The following EHD3 variants were observed in gnomAD, a reference collection of about 807,000 sequenced individuals.
EHD3 encodes the protein EH domain containing 3.
EHD3 carries 17 observed loss-of-function variants against 43.0 expected under a neutral mutation model. The observed-to-expected ratio is 0.40, with a 90% confidence interval of 0.27 to 0.59. The LOEUF (loss-of-function observed/expected upper bound fraction) is 0.59, where lower values mean the gene tolerates loss of function less well. Ranked by LOEUF, EHD3 falls within the 20% of genes least tolerant of loss-of-function variation. The pLI is 0.49. For missense variants in EHD3, 594 were observed against 705.6 expected (o/e 0.84, Z 1.79); for synonymous variants, 313 against 289.5 (o/e 1.08, Z -0.82).
At position 31,260,782 on chromosome 2, in the gene EHD3, T is replaced by A; in HGVS notation, c.775T>A (p.Ser259Thr). The change falls in exon 4 of 6, where the codon TCC becomes ACC. Residue 259 changes from serine (S) to threonine (T), a missense_variant. Ser to Thr is a moderately conservative substitution (Grantham distance 58, BLOSUM62 1). This residue lies in a region of EHD3 where 29 missense variants were observed against 60.9 expected (regional missense o/e 0.48). Transcript: ENST00000322054. The surrounding 1 kb of genome is among the most constrained non-coding windows in gnomAD (Gnocchi z 4.6). ...CCGGGTCTACATCGGCTCCTTCTGG[T>A]CCCACCCCCTCCTCATCCCTGACAA... is the stretch of plus-strand genomic sequence containing the variant. ...VIRVYIGSFWSHPLLIPDNRK... is the reference protein window; with the variant it reads ...VIRVYIGSFWTHPLLIPDNRK... 1 of 1,614,104 alleles carries A rather than the reference T, an allele frequency of 6.2e-7. No homozygotes were observed. The highest frequency in any genetic ancestry group is 8.5e-7 in the Non-Finnish European group (1 of 1,180,020).
chr2:31,244,192 C>A (rs1464885283), intron 1 of EHD3, 82 bp from the exon 2 acceptor site: 33 of 1,404,972 alleles, frequency 2.3e-5, no homozygotes, highest in Non-Finnish European at 3.2e-5. Flanking sequence ...CTCTGACTCG[C>A]ATGTTGTCTG....
In EHD3 at chr2:31,260,649, G is replaced by A. The variant is rs776880592; in HGVS notation, c.642G>A (p.Met214Ile). Residue 214 changes from methionine to isoleucine, a missense_variant, in exon 4 of 6, where the codon ATG (methionine) becomes ATA (isoleucine). Physicochemically the swap from Met to Ile is conservative, Grantham distance 10. Transcript: ENST00000322054. The surrounding 1 kb of genome is among the most constrained non-coding windows in gnomAD (Gnocchi z 4.6). ...CCCTCAAGAACCACGAGGACAAGAT[G>A]CGAGTGGTGCTGAACAAAGCTGACC... ...IKALKNHEDK[M>I]RVVLNKADQI... is the part of the protein sequence containing the mutation. 27 of 1,614,098 alleles carry A rather than the reference G, an allele frequency of 1.7e-5. No homozygotes were observed. The highest frequency in any genetic ancestry group is 2.2e-5 in the Non-Finnish European group (26 of 1,180,054).
At chr2:31,255,446 G>A (rs954197613) in intron 3 of EHD3, among the ~76,000 whole-genome samples, 1 of 147,840 alleles carries the variant, frequency 6.8e-6, no homozygotes, top group Non-Finnish European at 1.5e-5. Context: ...CTCTACCACA[G>A]ACCCCTCATT....
Position 31,249,426 on chromosome 2 carries a change from A to G in EHD3, c.460A>G (p.Thr154Ala). 6.2e-7 allele frequency: 1 copy of G among 1,614,152 alleles called. No homozygotes were observed. Among genetic ancestry groups the G allele is most frequent in the Non-Finnish European group, 8.5e-7 (1 of 1,180,020 alleles). The change falls in exon 3 of 6, where the codon ACA (threonine) becomes GCA (alanine). Residue 154 changes from threonine to alanine, a missense_variant. Thr to Ala is a moderately conservative substitution (Grantham distance 58). Around this residue, in one of 3 missense-constraint regions of EHD3, gnomAD observed 243 missense variants for 296.7 expected, o/e 0.82. Transcript: ENST00000322054. ...PVLESISVID[T>A]PGILSGEKQR... is the part of the protein sequence containing the mutation. Reference sequence around the variant, plus strand: ...GCTGGAGAGCATCAGCGTCATCGACACACCAGGGATCCTCTCTGGGGAGAA... The same window carrying G: ...GCTGGAGAGCATCAGCGTCATCGACGCACCAGGGATCCTCTCTGGGGAGAA...
chr2:31,257,977 C>G (rs1232902647), intron 3 of EHD3, among the ~76,000 whole-genome samples: 3 of 152,170 alleles, frequency 2.0e-5, no homozygotes, highest in African/African-American at 7.2e-5. Flanking sequence ...CTCAGTTTCC[C>G]TATCTGTAAA....
intron 3 of EHD3, among the ~76,000 whole-genome samples, chr2:31,257,471 G>A (rs992811858): frequency 2.0e-5 from 3 of 151,766 alleles, no homozygotes; most frequent in South Asian, 2.1e-4. Flanking sequence ...GGCAGGGAGC[G>A]GCCAGGTGCA....
At chr2:31,257,021 A>C (rs1284860894) in intron 3 of EHD3, among the ~76,000 whole-genome samples, 1 of 152,210 alleles carries the variant, frequency 6.6e-6, no homozygotes, top group Non-Finnish European at 1.5e-5. Flanking sequence ...GACAGGTGAG[A>C]GGGAGCTGCA....
At chr2:31,259,791 G>A (rs1683813991) in intron 3 of EHD3, among the ~76,000 whole-genome samples, 1 of 152,316 alleles carries the variant, frequency 6.6e-6, no homozygotes, top group South Asian at 2.1e-4. Flanking sequence ...GAATTTCTGG[G>A]TCTTTGTGTC....
intron 3 of EHD3, among the ~76,000 whole-genome samples, chr2:31,254,213 G>C (rs780797562): frequency 6.6e-6 from 1 of 152,182 alleles, no homozygotes; most frequent in Non-Finnish European, 1.5e-5. Context: ...CCCCGGAAGA[G>C]CACAGGGGGT....
intron 5 of EHD3, among the ~76,000 whole-genome samples, chr2:31,265,909 G>A (rs1293128262): frequency 6.6e-6 from 1 of 152,122 alleles, no homozygotes; most frequent in African/African-American, 2.4e-5. Flanking sequence ...GCCAATACTT[G>A]TTAAATTTCC....
rs1227883113 is a variant in EHD3 at position 31,268,854 on chromosome 2, G to A, written c.*2150G>A. The A allele has an allele frequency of 6.6e-6, 1 of 152,236 alleles. No individual in the cohort carries two copies. Among genetic ancestry groups the A allele is most frequent in the African/African-American group, 2.4e-5 (1 of 41,456 alleles). The allele number at this position is 152,236 out of a possible 1,614,324, so 9.4% of individuals were successfully genotyped here. ...GTCTTTTTATTTTATAGGAAAGGGA[G>A]ATGTCTGTTATCCCCTTTCTTCACT... On this transcript the variant is annotated 3_prime_UTR_variant, in exon 6 of 6. Transcript: ENST00000322054.
intron 1 of EHD3, 101 bp from the exon 2 acceptor site, chr2:31,244,173 T>C: frequency 5.9e-6 from 7 of 1,192,208 alleles, no homozygotes; most frequent in South Asian, 2.2e-5. Flanking sequence ...GCGGTGGCCC[T>C]GCCCTCCCCT....
At chr2:31,235,540 A>C (rs1417659146) in intron 1 of EHD3, among the ~76,000 whole-genome samples, 1 of 152,140 alleles carries the variant, frequency 6.6e-6, no homozygotes, top group African/African-American at 2.4e-5. Flanking sequence ...GCATTGTCTC[A>C]TCCAGTTGCT....
chr2:31,238,901 T>C (rs1011705821), intron 1 of EHD3, among the ~76,000 whole-genome samples: 3 of 152,030 alleles, frequency 2.0e-5, no homozygotes, highest in Non-Finnish European at 2.9e-5. Context: ...GCTGCAGAGC[T>C]AAGCTGCCCC....
At chr2:31,263,564 TGA>T (rs1683892579) in intron 5 of EHD3, among the ~76,000 whole-genome samples, 1 of 152,072 alleles carries the variant, frequency 6.6e-6, no homozygotes, top group Non-Finnish European at 1.5e-5. Flanking sequence ...ACAGGAGGAA[TGA>T]GAGGTGGGAG....
chr2:31,248,592 T>C (rs1263156153), intron 2 of EHD3, among the ~76,000 whole-genome samples: 2 of 152,142 alleles, frequency 1.3e-5, no homozygotes, highest in Non-Finnish European at 2.9e-5. Flanking sequence ...TCCAGGGAGC[T>C]TCCTCAAGGC....
Position 31,259,347 on chromosome 2 carries a change from C to G in EHD3, c.503-1163C>G, listed in dbSNP as rs111970579. Reference sequence around the variant, plus strand: ...ACTTCTCTGAGCCCCACTTCCTTATCTCTTGTCTTCCTATTTTATGTAAGA... The same window carrying G: ...ACTTCTCTGAGCCCCACTTCCTTATGTCTTGTCTTCCTATTTTATGTAAGA... On this transcript the variant is annotated intron_variant, in intron 3 of 5. Coordinates refer to ENST00000322054, the MANE Select transcript of EHD3 (RefSeq NM_014600.3). 8.0e-3 allele frequency among the ~76,000 whole-genome samples: 1,224 copies of G among 152,326 alleles called. 24 individuals are homozygous for G. Among genetic ancestry groups the G allele is most frequent in the African/African-American group, 0.026 (1,093 of 41,552 alleles).
intron 2 of EHD3, among the ~76,000 whole-genome samples, chr2:31,246,240 C>T (rs1489031026): frequency 6.6e-6 from 1 of 151,856 alleles, no homozygotes; most frequent in African/African-American, 2.4e-5. Flanking sequence ...GTCCTGGATG[C>T]CCAAAATGCT....
intron 3 of EHD3, among the ~76,000 whole-genome samples, chr2:31,257,899 G>A (rs564616438): frequency 3.9e-5 from 6 of 152,178 alleles, no homozygotes; most frequent in African/African-American, 1.2e-4. Flanking sequence ...CCTCGATGAC[G>A]CACCCATCAG....
Sources: allele counts gnomAD v4.1 joint callset (sites outside exome capture counted in the v4.1 genomes callset), GRCh38; gene constraint gnomAD v4.1.1; regional missense constraint gnomAD v4.1.1; non-coding constraint Gnocchi (gnomAD v3.1); transcripts MANE v1.5; gene names NCBI Gene and HGNC (gene_info 2026-07-23, HGNC 2026-07-21).